The following LIMK2 variants were observed in gnomAD, a reference collection of about 807,000 sequenced individuals.
LIMK2 encodes the protein LIM domain kinase 2.
LIMK2 carries 35 observed loss-of-function variants against 75.7 expected under a neutral mutation model. The observed-to-expected ratio is 0.46, with a 90% CI of 0.35 to 0.61. The LOEUF (loss-of-function observed/expected upper bound fraction) is 0.61, where lower values mean the gene tolerates loss of function less well. Ranked by LOEUF, LIMK2 falls within the 20% of genes least tolerant of loss-of-function variation. The pLI is 0.00. For synonymous variants in LIMK2, 301 were observed against 319.2 expected, an observed-to-expected ratio of 0.94 and a Z score of 0.61; for missense variants, 623 against 831.0, an observed-to-expected ratio of 0.75 and a Z score of 3.08.
intron 12 of LIMK2, 23 bp from the exon 13 acceptor site, chr22:31,272,507 T>C (rs2048969709): frequency 1.3e-6 from 2 of 1,594,898 alleles, no homozygotes. Flanking sequence ...CATGAAGTCC[T>C]GACCTGTCTT....
At chr22:31,275,024 C>T (rs2048998885) in intron 14 of LIMK2, 127 bp from the exon 15 acceptor site, 1 of 850,294 alleles carries the variant, frequency 1.2e-6, no homozygotes, top group East Asian at 2.4e-5. Context: ...TTGGGGAGAG[C>T]TCTCTAACCT....
intron 14 of LIMK2, 58 bp downstream of exon 14, chr22:31,273,565 C>T (rs2048980523): frequency 1.3e-5 from 18 of 1,399,296 alleles, no homozygotes; most frequent in Non-Finnish European, 1.8e-5. Flanking sequence ...TCTGCCTTCC[C>T]TCGGAACTGG....
chr22:31,229,153 G>A (rs1300192172), intron 2 of LIMK2, among the ~76,000 whole-genome samples: 1 of 152,210 alleles, frequency 6.6e-6, no homozygotes, highest in Admixed American at 6.5e-5. Context: ...CGTGGAGGAA[G>A]TAGAGTATCT....
intron 2 of LIMK2, among the ~76,000 whole-genome samples, chr22:31,250,892 TG>T (rs1341963870): frequency 6.6e-6 from 1 of 152,194 alleles, no homozygotes; most frequent in Admixed American, 6.5e-5. Context: ...CCTAGGCCTC[TG>T]GGGGAGTACA....
chr22:31,272,927 A>G, intron 13 of LIMK2: 1 of 1,295,728 alleles, frequency 7.7e-7, no homozygotes, highest in Non-Finnish European at 9.8e-7. Flanking sequence ...GTGAGTTCTG[A>G]CTGTGGCATT....
rs1568997779 is a variant in LIMK2, at chr22:31,262,331, C to T, written c.657+92C>T. On this transcript the variant is annotated intron_variant, in intron 6 of 15. Coordinates refer to ENST00000331728, the MANE Select transcript of LIMK2 (RefSeq NM_005569.4). This position sits in a 1 kb window ranked among gnomAD's most constrained non-coding sequence, Gnocchi z 5.0. The stretch of plus-strand genomic sequence containing the variant: ...TGTAGCCTTTACCTTTTCCTACCCC[C>T]AGCCCATCTCTTTGTCTTAGCATTG... The T allele has an allele frequency of 1.9e-6, 2 of 1,046,552 alleles. No individual in the cohort carries two copies. Among genetic ancestry groups the T allele is most frequent in the Non-Finnish European group, 3.0e-6 (2 of 675,454 alleles). 64.8% of individuals were successfully genotyped at this position (1,046,552 alleles called of 1,614,324 possible). A position where few individuals can be genotyped will look rare whatever the true frequency, so the allele number is the denominator to read the frequency against.
intron 2 of LIMK2, among the ~76,000 whole-genome samples, chr22:31,236,202 G>A (rs2048572858): frequency 1.3e-5 from 2 of 151,386 alleles, no homozygotes; most frequent in South Asian, 4.2e-4. Context: ...CCTGAGGCGG[G>A]AGAAACACTT....
At chr22:31,258,533 C>A in intron 3 of LIMK2, 107 bp downstream of exon 3, 2 of 1,134,686 alleles carry the variant, frequency 1.8e-6, no homozygotes, top group Non-Finnish European at 2.5e-6. Flanking sequence ...TCAGCCAGGG[C>A]ATCTCCCTTT....
chr22:31,237,260 C>CAAAAA (rs1349737616), intron 2 of LIMK2, among the ~76,000 whole-genome samples: 1 of 61,964 alleles, frequency 1.6e-5, no homozygotes, highest in Non-Finnish European at 3.3e-5. Context: ...GACTCTGTCT[C>CAAAAA]AAAAAAAAAA....
intron 2 of LIMK2, 76 bp from the exon 3 acceptor site, chr22:31,258,215 C>A: frequency 1.4e-6 from 2 of 1,463,238 alleles, no homozygotes; most frequent in South Asian, 2.7e-5. Context: ...TGTTGTCATA[C>A]CTAGGAACCA....
chr22:31,246,559 A>G (rs2048672117), intron 2 of LIMK2, among the ~76,000 whole-genome samples: 1 of 151,838 alleles, frequency 6.6e-6, no homozygotes, highest in Non-Finnish European at 1.5e-5. Context: ...AAGTGCCTTG[A>G]CCTGTGCTCT....
intron 14 of LIMK2, among the ~76,000 whole-genome samples, chr22:31,274,167 G>C (rs1417323949): frequency 6.6e-6 from 1 of 152,016 alleles, no homozygotes; most frequent in Non-Finnish European, 1.5e-5. Context: ...GCCCTTCTCA[G>C]TTCCCTTCAA....
intron 2 of LIMK2, chr22:31,248,791 C>T (rs752678770): frequency 1.2e-6 from 2 of 1,613,360 alleles, no homozygotes; most frequent in South Asian, 1.1e-5. Context: ...TCCGAGTTCC[C>T]CTCTCCATCT....
intron 13 of LIMK2, 85 bp downstream of exon 13, chr22:31,272,789 G>A: frequency 6.7e-7 from 1 of 1,491,442 alleles, no homozygotes; most frequent in Non-Finnish European, 8.9e-7. Context: ...TTCCAGGGGA[G>A]GCCTGTGAAG....
At position 31,212,422 on chromosome 22, in the gene LIMK2, C is replaced by T. The variant is rs1167570802; in HGVS notation, c.14C>T (p.Ala5Val). 7.5e-7 allele frequency: 1 copy of T among 1,336,202 alleles called. No individual in the cohort carries two copies. Among genetic ancestry groups the T allele is most frequent in the Non-Finnish European group, 9.7e-7 (1 of 1,033,240 alleles). The allele number at this position is 1,336,202 out of a possible 1,614,324, so 82.8% of individuals were successfully genotyped here. Residue 5 changes from alanine to valine, a missense_variant and splice_region_variant, in exon 1 of 16, where the codon GCG becomes GTG. Around this residue, in one of 3 missense-constraint regions of LIMK2, gnomAD observed 514 missense variants for 661.3 expected, o/e 0.78. Coordinates refer to ENST00000331728, the MANE Select transcript of LIMK2 (RefSeq NM_005569.4). ...GCTCCCGGGACCATGTCCGCGCTGG[C>T]GGGTAAGGAAGGGCTGCTCCGCCCT... MSALAGEDVWRCPGC... is the reference protein window; with the variant it reads MSALVGEDVWRCPGC...
chr22:31,212,865 A>G (rs1461827601), intron 1 of LIMK2, among the ~76,000 whole-genome samples: 1 of 152,090 alleles, frequency 6.6e-6, no homozygotes, highest in Non-Finnish European at 1.5e-5. Context: ...CAGGACAATT[A>G]GGAGAGTTAC....
chr22:31,277,231 C>T (rs1706174182), intron 15 of LIMK2: 3 of 1,586,948 alleles, frequency 1.9e-6, no homozygotes, highest in Non-Finnish European at 2.6e-6. Context: ...ACCCTGCGGC[C>T]AGGCCTGGTT....
chr22:31,255,460 C>T (rs1021038580), intron 2 of LIMK2, among the ~76,000 whole-genome samples: 1 of 152,148 alleles, frequency 6.6e-6, no homozygotes, highest in Non-Finnish European at 1.5e-5. Flanking sequence ...GTAAAAATAG[C>T]CATCAGTGTT....
At chr22:31,214,286 C>G (rs2048372258) in intron 1 of LIMK2, among the ~76,000 whole-genome samples, 2 of 152,156 alleles carry the variant, frequency 1.3e-5, no homozygotes, top group South Asian at 4.1e-4. Context: ...TTGTTGGATT[C>G]TTCTGTGTCA....
Sources: gnomAD v4.1 joint callset for allele counts (sites outside exome capture counted in the v4.1 genomes callset) on GRCh38, gnomAD v4.1.1 for gene constraint, gnomAD v4.1.1 regional missense constraint, Gnocchi (gnomAD v3.1) non-coding constraint, MANE v1.5 for transcripts, NCBI Gene and HGNC (gene_info 2026-07-23, HGNC 2026-07-21) for gene names.